The following ETV1 variants were observed in gnomAD, a reference collection of about 807,000 sequenced individuals.
ETV1 encodes ETS translocation variant 1.
ETV1 carries 27 observed loss-of-function variants against 62.3 expected under a neutral mutation model. The ratio of observed to expected loss-of-function variants is 0.43; its 90% CI spans 0.32 to 0.60. ETV1 has a LOEUF of 0.60. Among genes scored for constraint, ETV1 ranks in the 20% least tolerant of loss-of-function variants. The probability of loss-of-function intolerance (pLI) is 0.06; values close to 1 mark genes in which losing one functional copy is unlikely to be tolerated. For synonymous variants in ETV1, 222 were observed against 199.6 expected (o/e 1.11, Z -0.94); for missense variants, 605 against 605.8 (o/e 1.00, Z 0.01).
chr7:13,973,325 G>C (rs945521378), intron 6 of ETV1, among the ~76,000 whole-genome samples: 1 of 152,130 alleles, frequency 6.6e-6, no homozygotes, highest in East Asian at 1.9e-4. Flanking sequence ...AGAATTTACA[G>C]ACAGGCCACA....
rs1781533634 is a variant in ETV1 at position 13,893,654 on chromosome 7, T to C, written c.*2212A>G. On this transcript the variant is annotated 3_prime_UTR_variant, in exon 14 of 14. Coordinates refer to ENST00000430479, the MANE Select transcript of ETV1 (RefSeq NM_004956.5). ...AAGAAAAAAAAGGAACAAAAATGAA[T>C]CCTCAATACAGTTTTCATTCAGAAT... 4.3e-6 allele frequency: 1 copy of C among 232,382 alleles called. No homozygotes were observed. Among genetic ancestry groups the C allele is most frequent in the South Asian group, 1.8e-4 (1 of 5,512 alleles). 14.4% of individuals were successfully genotyped at this position (232,382 alleles called of 1,614,324 possible).
chr7:13,923,267 G>A (rs2128439156), intron 9 of ETV1, among the ~76,000 whole-genome samples: 1 of 152,228 alleles, frequency 6.6e-6, no homozygotes, highest in South Asian at 2.1e-4. Context: ...TATAAACTCT[G>A]CAAGGGGAAG....
rs115473271 is a variant in ETV1, at chr7:13,928,243, C to G, written c.802+3259G>C. The stretch of plus-strand genomic sequence containing the variant: ...ATCTTCTTAAGAAAAGTTATACATT[C>G]TCAATACCACACTACATATAACTGT... On this transcript the variant is annotated intron_variant, in intron 9 of 13. Coordinates refer to ENST00000430479, the MANE Select transcript of ETV1 (RefSeq NM_004956.5). 6.2e-3 allele frequency among the ~76,000 whole-genome samples: 944 copies of G among 152,264 alleles called. 5 individuals are homozygous for G. The highest frequency in any genetic ancestry group is 0.019 in the African/African-American group (788 of 41,544).
At chr7:13,977,088 A>C (rs1781522612) in intron 6 of ETV1, among the ~76,000 whole-genome samples, 1 of 152,230 alleles carries the variant, frequency 6.6e-6, no homozygotes, top group African/African-American at 2.4e-5. Context: ...CATATTGGCA[A>C]ACTGGAAGTA....
At chr7:13,955,807 G>A (rs1789367631) in intron 6 of ETV1, among the ~76,000 whole-genome samples, 1 of 151,966 alleles carries the variant, frequency 6.6e-6, no homozygotes, top group Non-Finnish European at 1.5e-5. Context: ...CATATTATGA[G>A]TAATTTTTGT....
At chr7:13,935,592 A>T (rs1373469294) in intron 8 of ETV1, 116 bp downstream of exon 8, 1 of 786,702 alleles carries the variant, frequency 1.3e-6, no homozygotes, top group Non-Finnish European at 2.1e-6. Context: ...TTTTGCACAG[A>T]TGTGCAAAAT....
At chr7:13,967,504 G>A (rs933621710) in intron 6 of ETV1, among the ~76,000 whole-genome samples, 15 of 151,914 alleles carry the variant, frequency 9.9e-5, no homozygotes, top group African/African-American at 3.6e-4. Context: ...GCCAATAATG[G>A]AGTTCTTGAG....
chr7:13,910,825 T>C (rs958172990), intron 10 of ETV1, among the ~76,000 whole-genome samples: 2 of 152,330 alleles, frequency 1.3e-5, no homozygotes, highest in South Asian at 4.1e-4. Flanking sequence ...TCCAAAAATA[T>C]AAAATCCAGA....
chr7:13,895,114 T>C lies in ETV1; in HGVS notation c.*752A>G, dbSNP rs138502257. On this transcript the variant is annotated 3_prime_UTR_variant, in exon 14 of 14. Coordinates refer to ENST00000430479, the MANE Select transcript of ETV1 (RefSeq NM_004956.5). Reference sequence around the variant, plus strand: ...TCAAAATATTTAAAAGACGGTATGATTTGTATCTAAACAGCAAGGTGGCAC... The same window carrying C: ...TCAAAATATTTAAAAGACGGTATGACTTGTATCTAAACAGCAAGGTGGCAC... The C allele has an allele frequency of 1.8e-3, 426 of 233,504 alleles. 2 individuals are homozygous for C. The highest frequency in any genetic ancestry group is 8.8e-3 in the African/African-American group (401 of 45,454). 14.5% of individuals were successfully genotyped at this position (233,504 alleles called of 1,614,324 possible).
chr7:13,970,814 G>C (rs999027000), intron 6 of ETV1, among the ~76,000 whole-genome samples: 1 of 151,976 alleles, frequency 6.6e-6, no homozygotes, highest in African/African-American at 2.4e-5. Context: ...ATCCTGGACA[G>C]GTACGTGTTA....
chr7:13,942,100 T>G (rs1787609702), intron 6 of ETV1, among the ~76,000 whole-genome samples: 1 of 146,640 alleles, frequency 6.8e-6, no homozygotes, highest in Non-Finnish European at 1.5e-5. Flanking sequence ...CTCGGCTCAC[T>G]GCAAGCTCCA....
At chr7:13,978,176 G>C (rs1781637968) in intron 5 of ETV1, among the ~76,000 whole-genome samples, 1 of 152,066 alleles carries the variant, frequency 6.6e-6, no homozygotes, top group African/African-American at 2.4e-5. Context: ...TTAACAAAAA[G>C]AATATCACTA....
At chr7:13,961,709 C>G (rs1397385610) in intron 6 of ETV1, among the ~76,000 whole-genome samples, 2 of 152,044 alleles carry the variant, frequency 1.3e-5, no homozygotes, top group Admixed American at 6.6e-5. Context: ...AATTCATAAC[C>G]CATAATCTTA....
intron 6 of ETV1, among the ~76,000 whole-genome samples, chr7:13,976,148 T>C (rs1333075369): frequency 1.3e-5 from 2 of 152,180 alleles, no homozygotes; most frequent in Non-Finnish European, 2.9e-5. Context: ...TCAAACAGCA[T>C]TATACAGTTT....
At chr7:13,907,678 A>G in intron 11 of ETV1, 1 of 309,226 alleles carries the variant, frequency 3.2e-6, no homozygotes, top group Non-Finnish European at 6.8e-6. Flanking sequence ...TTGTTAGTGC[A>G]TAAATTGCTC....
At chr7:13,980,438 T>C (rs1781865481) in intron 5 of ETV1, among the ~76,000 whole-genome samples, 1 of 152,088 alleles carries the variant, frequency 6.6e-6, no homozygotes, top group Non-Finnish European at 1.5e-5. Context: ...AAATTAACAA[T>C]AGAGGTCAGC....
chr7:13,945,585 T>A (rs771900431), intron 6 of ETV1, among the ~76,000 whole-genome samples: 16 of 152,292 alleles, frequency 1.1e-4, no homozygotes, highest in Middle Eastern at 3.4e-3. Flanking sequence ...ACAAAAGCCG[T>A]AGGCTACATT....
chr7:13,984,730 A>G (rs1484346613), intron 5 of ETV1, among the ~76,000 whole-genome samples: 4 of 152,018 alleles, frequency 2.6e-5, no homozygotes, highest in African/African-American at 7.2e-5. Flanking sequence ...TTTTCTAAGT[A>G]AAGGTCCATG....
intron 12 of ETV1, chr7:13,906,217 A>G (rs1583578002): frequency 2.6e-6 from 1 of 390,340 alleles, no homozygotes. Flanking sequence ...TCCAACATCA[A>G]TTTTGTAGGA....
Sources: gnomAD v4.1 joint callset for allele counts (sites outside exome capture counted in the v4.1 genomes callset) on GRCh38, gnomAD v4.1.1 for gene constraint, MANE v1.5 for transcripts, NCBI Gene and HGNC (gene_info 2026-07-23, HGNC 2026-07-21) for gene names.